Variants in PPM1D observed in about 807,000 individuals in gnomAD.
PPM1D encodes the protein protein phosphatase, Mg2+/Mn2+ dependent 1D, also known as protein phosphatase 1D.
A neutral mutation model predicts 58.3 loss-of-function variants in PPM1D; 52 were observed. That is an observed-to-expected ratio of 0.89 (90% CI 0.71 to 1.12). The LOEUF (loss-of-function observed/expected upper bound fraction) is 1.12, where lower values mean the gene tolerates loss of function less well. Ranked by LOEUF, PPM1D falls within the 50% of genes most tolerant of loss-of-function variation. The pLI is 0.00. For synonymous variants in PPM1D, 278 were observed against 285.1 expected, an observed-to-expected ratio of 0.98 and a Z score of 0.25; for missense variants, 564 against 777.2, an observed-to-expected ratio of 0.73 and a Z score of 3.26.
At chr17:60,636,602 A>C (rs898846924) in intron 3 of PPM1D, among the ~76,000 whole-genome samples, 9 of 152,218 alleles carry the variant, frequency 5.9e-5, no homozygotes, top group Admixed American at 5.2e-4. Flanking sequence ...GTAAAGTGTA[A>C]GTAAAGAGAT....
At chr17:60,629,590 A>G (rs1258543561) in intron 2 of PPM1D, among the ~76,000 whole-genome samples, 2 of 152,212 alleles carry the variant, frequency 1.3e-5, no homozygotes, top group East Asian at 3.8e-4. Context: ...TTTGCAAATT[A>G]TAAACAGAAT....
intron 1 of PPM1D, among the ~76,000 whole-genome samples, chr17:60,620,919 TTTTC>T (rs938496772): frequency 5.9e-5 from 9 of 152,214 alleles, no homozygotes; most frequent in South Asian, 4.1e-4. Context: ...TTTTCTTTTC[TTTTC>T]TTTCTTTCTT....
intron 1 of PPM1D, 137 bp downstream of exon 1, chr17:60,601,023 T>C: frequency 7.6e-7 from 1 of 1,307,808 alleles, no homozygotes; most frequent in Non-Finnish European, 1.0e-6. Context: ...AAAGCTGTAA[T>C]AGCGCTTTGC....
chr17:60,663,217 C>A lies in PPM1D; in HGVS notation c.1483C>A (p.Pro495Thr). 2 of 1,614,142 alleles carry A rather than the reference C, an allele frequency of 1.2e-6. No homozygotes were observed. Among genetic ancestry groups the A allele is most frequent in the Non-Finnish European group, 1.7e-6 (2 of 1,179,992 alleles). Residue 495 changes from proline to threonine, a missense_variant, in exon 6 of 6, where the codon CCA (proline) becomes ACA (threonine). By Grantham distance (38) the Pro-to-Thr change is conservative (BLOSUM62 -1). Around this residue, in one of 7 missense-constraint regions of PPM1D, gnomAD observed 261 missense variants for 270.1 expected, o/e 0.97. Transcript: ENST00000305921. ...ACATGATTCTTTGAATAATAGCCTT[C>A]CAATTGGCCTTGTGCCTACTAATTC... ...RIHDSLNNSL[P>T]IGLVPTNSTN...
At chr17:60,608,779 G>T (rs1265501264) in intron 1 of PPM1D, among the ~76,000 whole-genome samples, 1 of 147,644 alleles carries the variant, frequency 6.8e-6, no homozygotes, top group Non-Finnish European at 1.5e-5. Context: ...ACAGAGTCTC[G>T]CTCTGTCGCC....
At chr17:60,632,386 T>G (rs1226162428) in intron 2 of PPM1D, among the ~76,000 whole-genome samples, 2 of 152,168 alleles carry the variant, frequency 1.3e-5, no homozygotes, top group Non-Finnish European at 2.9e-5. Flanking sequence ...TTCTGTATAT[T>G]GCTGAAATCA....
intron 2 of PPM1D, among the ~76,000 whole-genome samples, chr17:60,626,525 G>T (rs1025875889): frequency 6.6e-6 from 1 of 151,624 alleles, no homozygotes; most frequent in Non-Finnish European, 1.5e-5. Flanking sequence ...CTCTCTAGTA[G>T]CTGGGACTAC....
intron 2 of PPM1D, among the ~76,000 whole-genome samples, chr17:60,626,491 T>G (rs895481881): frequency 3.3e-5 from 5 of 150,644 alleles, no homozygotes; most frequent in Non-Finnish European, 7.4e-5. Context: ...GCCTCCTGGG[T>G]TCATGCCATT....
chr17:60,614,661 T>G (rs531711615), intron 1 of PPM1D, among the ~76,000 whole-genome samples: 1 of 152,270 alleles, frequency 6.6e-6, no homozygotes, highest in East Asian at 1.9e-4. Flanking sequence ...CCACACTGTC[T>G]TTATGAGCTG....
At position 60,656,805 on chromosome 17, in the gene PPM1D, G is replaced by A; in HGVS notation, c.1224G>A (p.Val408=). ...SPSYNSQETC[V]MTPSPCSTPP... ...CCTATAATAGTCAAGAAACCTGTGTGATGACTCCTTCCCCATGTTCTACAC... is the reference window on the plus strand; with the variant it reads ...CCTATAATAGTCAAGAAACCTGTGTAATGACTCCTTCCCCATGTTCTACAC... The change falls in exon 5 of 6, where the codon GTG becomes GTA. Residue 408 remains valine, a synonymous_variant. Coordinates refer to ENST00000305921, the MANE Select transcript of PPM1D (RefSeq NM_003620.4). The A allele has an allele frequency of 6.2e-7, 1 of 1,614,138 alleles. No homozygotes were observed. The highest frequency in any genetic ancestry group is 8.5e-7 in the Non-Finnish European group (1 of 1,180,004).
At chr17:60,610,660 A>G (rs368471822) in intron 1 of PPM1D, among the ~76,000 whole-genome samples, 185 of 152,290 alleles carry the variant, frequency 1.2e-3, no homozygotes, top group African/African-American at 4.3e-3. Context: ...TGTTTATACA[A>G]TGTCTGTAAC....
At chr17:60,607,899 A>T (rs1473478335) in intron 1 of PPM1D, among the ~76,000 whole-genome samples, 1 of 152,252 alleles carries the variant, frequency 6.6e-6, no homozygotes, top group Non-Finnish European at 1.5e-5. Context: ...TGACCAAGGA[A>T]ATCGTGAAGA....
chr17:60,656,473 G>GAAA, intron 4 of PPM1D, 126 bp from the exon 5 acceptor site: 1 of 967,948 alleles, frequency 1.0e-6, no homozygotes, highest in Non-Finnish European at 1.4e-6. Flanking sequence ...AAAGAGAAAA[G>GAAA]AAAAAAAAAA....
chr17:60,643,695 T>C (rs995949408), intron 3 of PPM1D, among the ~76,000 whole-genome samples: 10 of 151,984 alleles, frequency 6.6e-5, no homozygotes, highest in African/African-American at 2.4e-4. Flanking sequence ...ATACTGCCAA[T>C]AATAGGACTG....
At chr17:60,652,347 T>C (rs865856706) in intron 4 of PPM1D, among the ~76,000 whole-genome samples, 7 of 152,084 alleles carry the variant, frequency 4.6e-5, no homozygotes, top group African/African-American at 1.7e-4. Context: ...TACTATTTCA[T>C]TGTGTATGTG....
intron 1 of PPM1D, among the ~76,000 whole-genome samples, chr17:60,613,183 G>A (rs2030495935): frequency 6.6e-6 from 1 of 151,810 alleles, no homozygotes; most frequent in Admixed American, 6.6e-5. Context: ...TTAAATAAGG[G>A]CTAAAGTGAA....
Position 60,623,684 on chromosome 17 carries a change from G to A in PPM1D, c.636G>A (p.Glu212=), listed in dbSNP as rs1448872894. ...DPKDDFVRAV[E]VTQDHKPELP... is the part of the protein sequence containing the mutation. The stretch of plus-strand genomic sequence containing the variant: ...AGGATGACTTTGTCAGAGCTGTGGA[G>A]GTGACACAGGACCATAAGCCAGAAC... The change falls in exon 2 of 6, where the codon GAG becomes GAA. Residue 212 remains glutamate (E), a synonymous_variant. Transcript: ENST00000305921. The A allele has an allele frequency of 5.0e-6, 8 of 1,614,170 alleles. No homozygotes were observed. Among genetic ancestry groups the A allele is most frequent in the Middle Eastern group, 3.3e-4 (2 of 6,062 alleles).
chr17:60,651,409 T>C (rs918170586), intron 4 of PPM1D, among the ~76,000 whole-genome samples: 7 of 151,728 alleles, frequency 4.6e-5, no homozygotes, highest in Non-Finnish European at 8.8e-5. Context: ...TGGTTTTTTT[T>C]TTTTTTTGAG....
rs181428248 is a variant in PPM1D, at chr17:60,621,998, T to C, written c.473-1523T>C. Among the ~76,000 whole-genome samples the C allele has an allele frequency of 0.02, 2,982 of 150,740 alleles. 315 individuals carry two copies. The East Asian group carries it at 0.32, about 16-fold the overall frequency. ...GTCAGGAGATCGAGACCATCCTGGC[T>C]AACACAGTGAAACCCCGTCTCTACT... On this transcript the variant is annotated intron_variant, in intron 1 of 5. Transcript: ENST00000305921.
Sources: gnomAD v4.1 joint callset for allele counts (sites outside exome capture counted in the v4.1 genomes callset) on GRCh38, gnomAD v4.1.1 for gene constraint, gnomAD v4.1.1 regional missense constraint, MANE v1.5 for transcripts, NCBI Gene and HGNC (gene_info 2026-07-23, HGNC 2026-07-21) for gene names.